The following ATF2 variants were observed in gnomAD, a reference collection of about 807,000 sequenced individuals.
ATF2 encodes cyclic AMP-dependent transcription factor ATF-2.
A neutral mutation model predicts 60.6 loss-of-function variants in ATF2; 24 were observed. The ratio of observed to expected loss-of-function variants is 0.40; its 90% CI spans 0.29 to 0.56. The LOEUF (loss-of-function observed/expected upper bound fraction) is 0.56. ATF2 is among the 20% of genes least tolerant of loss of function. The probability of loss-of-function intolerance (pLI) is 0.54; values close to 1 mark genes in which losing one functional copy is unlikely to be tolerated. For synonymous variants in ATF2, 206 were observed against 215.4 expected (o/e 0.96, Z 0.38); for missense variants, 433 against 607.7 (o/e 0.71, Z 3.02).
chr2:175,132,070 A>T (rs1223267383), intron 3 of ATF2, among the ~76,000 whole-genome samples: 1 of 152,198 alleles, frequency 6.6e-6, no homozygotes, highest in East Asian at 1.9e-4. Flanking sequence ...TCTGGTATTC[A>T]ACCTGTTGTG....
intron 1 of ATF2, among the ~76,000 whole-genome samples, chr2:175,165,344 T>C (rs1172248543): frequency 2.6e-5 from 4 of 152,212 alleles, no homozygotes; most frequent in Non-Finnish European, 5.9e-5. Flanking sequence ...AAGAAATGCC[T>C]ACTTATAGGT....
chr2:175,074,528 A>G lies in ATF2; in HGVS notation c.*81T>C. The G allele has an allele frequency of 6.9e-7, 1 of 1,459,376 alleles. No individual in the cohort carries two copies. Among genetic ancestry groups the G allele is most frequent in the Non-Finnish European group, 9.1e-7 (1 of 1,095,184 alleles). 90.4% of individuals were successfully genotyped at this position (1,459,376 alleles called of 1,614,324 possible). ...AAAAATTTACAACCACAGATTTCGC[A>G]TAAATGGAAACTGGTCTTTCCTTGA... On this transcript the variant is annotated 3_prime_UTR_variant, in exon 14 of 14. Coordinates refer to ENST00000264110, the MANE Select transcript of ATF2 (RefSeq NM_001880.4).
At chr2:175,102,172 C>CT (rs1313270939) in intron 10 of ATF2, among the ~76,000 whole-genome samples, 3 of 152,064 alleles carry the variant, frequency 2.0e-5, no homozygotes, top group Non-Finnish European at 2.9e-5. Context: ...GTCCAATCAC[C>CT]ATCTTACAGA....
At chr2:175,160,032 C>T (rs945082108) in intron 1 of ATF2, among the ~76,000 whole-genome samples, 3 of 152,108 alleles carry the variant, frequency 2.0e-5, no homozygotes, top group Non-Finnish European at 4.4e-5. Flanking sequence ...AATTCATAGT[C>T]ATCACCATTA....
intron 2 of ATF2, among the ~76,000 whole-genome samples, chr2:175,143,620 A>C (rs1289174048): frequency 6.6e-6 from 1 of 152,236 alleles, no homozygotes; most frequent in Non-Finnish European, 1.5e-5. Context: ...CAGCAGAGAA[A>C]GACCTCATTT....
intron 2 of ATF2, among the ~76,000 whole-genome samples, chr2:175,142,676 C>T (rs1026136778): frequency 2.7e-5 from 4 of 147,692 alleles, no homozygotes; most frequent in African/African-American, 7.6e-5. Flanking sequence ...AAAACCCTAA[C>T]GCTGCCGAAA....
chr2:175,128,004 T>C (rs1202523882), intron 4 of ATF2, among the ~76,000 whole-genome samples: 1 of 152,158 alleles, frequency 6.6e-6, no homozygotes, highest in East Asian at 1.9e-4. Flanking sequence ...ACACTAACTG[T>C]AAAGCTAGAG....
intron 13 of ATF2, among the ~76,000 whole-genome samples, chr2:175,078,920 T>C (rs568091862): frequency 3.3e-5 from 5 of 152,300 alleles, no homozygotes; most frequent in East Asian, 1.9e-4. Context: ...ATTAATTTTA[T>C]GGTAGAACTA....
intron 12 of ATF2, among the ~76,000 whole-genome samples, chr2:175,085,586 AC>A (rs1352635906): frequency 1.3e-5 from 2 of 150,330 alleles, no homozygotes; most frequent in Non-Finnish European, 2.9e-5. Flanking sequence ...ACACACACAC[AC>A]ACACACACAC....
At chr2:175,124,838 G>A (rs1459331649) in intron 4 of ATF2, among the ~76,000 whole-genome samples, 1 of 151,988 alleles carries the variant, frequency 6.6e-6, no homozygotes, top group Non-Finnish European at 1.5e-5. Context: ...CAAGTATATG[G>A]AAGACTAACA....
intron 10 of ATF2, among the ~76,000 whole-genome samples, chr2:175,098,659 C>G (rs1695103801): frequency 1.3e-5 from 2 of 152,132 alleles, no homozygotes; most frequent in Admixed American, 1.3e-4. Context: ...AACACATATT[C>G]TTGGCAATCT....
intron 3 of ATF2, 32 bp from the exon 4 acceptor site, chr2:175,130,239 A>G (rs62184479): frequency 6.9e-6 from 9 of 1,296,372 alleles, no homozygotes; most frequent in African/African-American, 1.5e-5. Flanking sequence ...TTTAGAGTAC[A>G]TATTTTAAAA....
chr2:175,118,310 C>G lies in ATF2; in HGVS notation c.259G>C (p.Glu87Gln). The change falls in exon 6 of 14, where the codon GAG (glutamate) becomes CAG (glutamine). Residue 87 changes from glutamate to glutamine, a missense_variant. Glu to Gln is a conservative substitution (Grantham distance 29). Around this residue, in one of 5 missense-constraint regions of ATF2, gnomAD observed 29 missense variants for 102.1 expected, o/e 0.28. Transcript: ENST00000264110. The part of the protein sequence containing the change: ...KNCEEVGLFN[E>Q]LASPFENEFK... Reference sequence around the variant, plus strand: ...TCATTCTCAAATGGACTCGCCAACTCATTAAACAAACCCACTTCTTCACAG... The same window carrying G: ...TCATTCTCAAATGGACTCGCCAACTGATTAAACAAACCCACTTCTTCACAG... 6.2e-7 allele frequency: 1 copy of G among 1,610,988 alleles called. No homozygotes were observed. The highest frequency in any genetic ancestry group is 8.5e-7 in the Non-Finnish European group (1 of 1,178,426).
At chr2:175,121,296 G>C in intron 5 of ATF2, 148 bp downstream of exon 5, 1 of 431,142 alleles carries the variant, frequency 2.3e-6, no homozygotes, top group East Asian at 3.5e-5. Context: ...ACATGAAAAT[G>C]TAATGGGTAA....
At chr2:175,154,351 C>T (rs1309096668) in intron 1 of ATF2, among the ~76,000 whole-genome samples, 3 of 151,840 alleles carry the variant, frequency 2.0e-5, no homozygotes, top group African/African-American at 7.3e-5. Context: ...CTGTCTTCCA[C>T]CTCCACATCT....
intron 2 of ATF2, among the ~76,000 whole-genome samples, chr2:175,146,212 A>C (rs1698935100): frequency 1.3e-5 from 2 of 152,220 alleles, no homozygotes; most frequent in Non-Finnish European, 2.9e-5. Context: ...TGGCATAATA[A>C]TCTCCAAAAG....
At chr2:175,137,260 A>G (rs1051485004) in intron 2 of ATF2, among the ~76,000 whole-genome samples, 4 of 152,048 alleles carry the variant, frequency 2.6e-5, no homozygotes, top group African/African-American at 9.7e-5. Flanking sequence ...ATAAGAAGAG[A>G]GAAAGTTTCT....
chr2:175,095,767 G>A (rs1694893669), intron 11 of ATF2, among the ~76,000 whole-genome samples: 1 of 152,174 alleles, frequency 6.6e-6, no homozygotes, highest in South Asian at 2.1e-4. Context: ...ATAAAAATTA[G>A]ATCCAGGGAA....
At chr2:175,101,023 G>A (rs544200836) in intron 10 of ATF2, among the ~76,000 whole-genome samples, 3 of 152,262 alleles carry the variant, frequency 2.0e-5, no homozygotes, top group African/African-American at 7.2e-5. Flanking sequence ...TTACAGCACC[G>A]GGGAACAAGT....
Sources: gnomAD v4.1 joint callset for allele counts (sites outside exome capture counted in the v4.1 genomes callset) on GRCh38, gnomAD v4.1.1 for gene constraint, gnomAD v4.1.1 regional missense constraint, MANE v1.5 for transcripts, NCBI Gene and HGNC (gene_info 2026-07-23, HGNC 2026-07-21) for gene names.